UGGT2: variants seen among roughly 807,000 people sequenced by gnomAD.
UGGT2 encodes UDP-glucose glycoprotein glucosyltransferase 2, also known as UDP-glucose:glycoprotein glucosyltransferase 2.
A neutral mutation model predicts 192.1 loss-of-function variants in UGGT2; 180 were observed. That is an observed-to-expected ratio of 0.94 (90% CI 0.83 to 1.06). The LOEUF (loss-of-function observed/expected upper bound fraction) is 1.06, where lower values mean the gene tolerates loss of function less well. Among genes scored for constraint, UGGT2 ranks in the 50% least tolerant of loss-of-function variants. The pLI is 0.00. For missense variants in UGGT2, 1,849 were observed against 1,795.7 expected (o/e 1.03, Z -0.54); for synonymous variants, 580 against 591.0 (o/e 0.98, Z 0.27).
Position 96,053,346 on chromosome 13 carries a change from C to T in UGGT2, c.-34G>A. ...GAGAAAAGCGCGAGTCCCTCGGACC[C>T]GGTACCCACAGTCTGTGGCCGCCAC... On this transcript the variant is annotated 5_prime_UTR_variant, in exon 1 of 39. Transcript: ENST00000376747. 6.4e-7 allele frequency: 1 copy of T among 1,569,782 alleles called. No individual in the cohort carries two copies. The highest frequency in any genetic ancestry group is 1.4e-5 in the African/African-American group (1 of 72,138).
chr13:95,895,457 C>T lies in UGGT2; in HGVS notation c.2635-153G>A, dbSNP rs144807840. Among the ~76,000 whole-genome samples the T allele has an allele frequency of 3.5e-3, 527 of 151,850 alleles. 3 individuals carry two copies. Among genetic ancestry groups the T allele is most frequent in the African/African-American group, 0.012 (482 of 41,510 alleles). ...TATTAATCCTGCCATTTACTAAATA[C>T]GCTAGGAAACAAGATATACTTTCTC... is the stretch of plus-strand genomic sequence containing the variant. On this transcript the variant is annotated intron_variant, in intron 22 of 38. Coordinates refer to ENST00000376747, the MANE Select transcript of UGGT2 (RefSeq NM_020121.4).
chr13:95,925,694 C>T lies in UGGT2; in HGVS notation c.2281G>A (p.Ala761Thr). 6.4e-7 allele frequency: 1 copy of T among 1,557,364 alleles called. No homozygotes were observed. The highest frequency in any genetic ancestry group is 8.7e-7 in the Non-Finnish European group (1 of 1,148,312). ...KPSGRKLLFN[A>T]LKHMKTSVHS... ...TAGGTACTCACCATGTGCTTTAATG[C>T]ATTAAAAAGAAGTTTTCTCCCAGAA... The change falls in exon 20 of 39, where the codon GCA (alanine) becomes ACA (threonine). Residue 761 changes from alanine to threonine, a missense_variant. Coordinates refer to ENST00000376747, the MANE Select transcript of UGGT2 (RefSeq NM_020121.4).
intron 13 of UGGT2, among the ~76,000 whole-genome samples, chr13:95,948,768 G>A (rs1015358615): frequency 6.6e-6 from 1 of 152,280 alleles, no homozygotes; most frequent in South Asian, 2.1e-4. Flanking sequence ...AATGACATAA[G>A]GGCTAAAGAG....
At chr13:95,874,998 A>G (rs1174171175) in intron 29 of UGGT2, among the ~76,000 whole-genome samples, 1 of 152,148 alleles carries the variant, frequency 6.6e-6, no homozygotes, top group African/African-American at 2.4e-5. Context: ...GCCTAAGTGT[A>G]AATTTAACGT....
At chr13:95,861,620 T>A (rs1183429062) in intron 31 of UGGT2, among the ~76,000 whole-genome samples, 5 of 152,196 alleles carry the variant, frequency 3.3e-5, no homozygotes, top group African/African-American at 1.2e-4. Context: ...AATGTATAAA[T>A]TCATCTTTTT....
At position 95,903,037 on chromosome 13, in the gene UGGT2, C is replaced by T; in HGVS notation, c.2319G>A (p.Leu773=). The T allele has an allele frequency of 1.2e-6, 2 of 1,611,948 alleles. No homozygotes were observed. The highest frequency in any genetic ancestry group is 2.2e-5 in the East Asian group (1 of 44,770). ...TTGATGTAGGATTATAAATAATCCC[C>T]AACCGACTATGAACACTTGTTTTCT... The part of the protein sequence containing the change: ...KHMKTSVHSR[L]GIIYNPTSKI... Residue 773 remains leucine, a synonymous_variant, in exon 21 of 39, where the codon TTG becomes TTA. Transcript: ENST00000376747.
intron 15 of UGGT2, among the ~76,000 whole-genome samples, chr13:95,943,798 G>A (rs1263546044): frequency 6.6e-6 from 1 of 151,750 alleles, no homozygotes; most frequent in Non-Finnish European, 1.5e-5. Context: ...TTATTGCATT[G>A]ACTGGAACTT....
At chr13:95,966,383 T>C (rs2050579621) in intron 12 of UGGT2, among the ~76,000 whole-genome samples, 1 of 152,126 alleles carries the variant, frequency 6.6e-6, no homozygotes, top group South Asian at 2.1e-4. Flanking sequence ...TACCAGAGGC[T>C]GGGAAGGGCA....
chr13:96,015,406 G>T (rs1402856238), intron 4 of UGGT2, among the ~76,000 whole-genome samples: 1 of 152,060 alleles, frequency 6.6e-6, no homozygotes, highest in Non-Finnish European at 1.5e-5. Context: ...AAAGGTAAGG[G>T]CTCTCTACCA....
intron 5 of UGGT2, 43 bp from the exon 6 acceptor site, chr13:95,999,350 TCAAA>T (rs762772614): frequency 6.4e-7 from 1 of 1,565,994 alleles, no homozygotes; most frequent in Non-Finnish European, 8.8e-7. Context: ...AAAGAGTTAG[TCAAA>T]CATTTTGTTT....
intron 1 of UGGT2, among the ~76,000 whole-genome samples, chr13:96,044,092 T>G (rs1241158026): frequency 6.6e-6 from 1 of 152,116 alleles, no homozygotes; most frequent in Non-Finnish European, 1.5e-5. Context: ...ATGAAACTTT[T>G]TCCAAGGTAG....
chr13:95,815,950 G>C (rs558245200), intron 38 of UGGT2, among the ~76,000 whole-genome samples: 48 of 152,226 alleles, frequency 3.2e-4, no homozygotes, highest in African/African-American at 1.1e-3. Context: ...GTTAGTGTGA[G>C]ATCTGGTTGT....
intron 36 of UGGT2, among the ~76,000 whole-genome samples, chr13:95,843,561 T>A (rs1412429234): frequency 6.6e-6 from 1 of 152,202 alleles, no homozygotes; most frequent in East Asian, 1.9e-4. Flanking sequence ...TAACTCAAGA[T>A]CACAGAGATT....
intron 5 of UGGT2, among the ~76,000 whole-genome samples, chr13:96,004,079 C>A (rs1345832489): frequency 6.6e-6 from 1 of 151,130 alleles, no homozygotes. Flanking sequence ...AAGATAGCTT[C>A]AATCAGCACT....
chr13:95,919,416 G>T (rs1206797308), intron 20 of UGGT2, among the ~76,000 whole-genome samples: 1 of 152,156 alleles, frequency 6.6e-6, no homozygotes, highest in Non-Finnish European at 1.5e-5. Flanking sequence ...TAGGAAGAGA[G>T]AAGTCAAATT....
chr13:96,030,057 G>GT (rs2052786650), intron 2 of UGGT2, among the ~76,000 whole-genome samples: 1 of 152,180 alleles, frequency 6.6e-6, no homozygotes, highest in African/African-American at 2.4e-5. Flanking sequence ...ACAACAGACA[G>GT]TAATTTCCTA....
At position 95,958,791 on chromosome 13, in the gene UGGT2, A is replaced by T. The variant is rs148501820; in HGVS notation, c.1336-9337T>A. ...GCAAGAAAGGAGAGGGAAATAAGGC[A>T]GACTGCTAGGCTGGGATTGGCTGGA... is the stretch of plus-strand genomic sequence containing the variant. On this transcript the variant is annotated intron_variant, in intron 12 of 38. Transcript: ENST00000376747. 9.1e-4 allele frequency among the ~76,000 whole-genome samples: 139 copies of T among 152,330 alleles called. 1 individual carries two copies. Among genetic ancestry groups the T allele is most frequent in the African/African-American group, 3.2e-3 (132 of 41,576 alleles).
rs539088627 is a variant in UGGT2 at position 95,993,108 on chromosome 13, C to T, written c.830+2955G>A. The stretch of plus-strand genomic sequence containing the variant: ...GCCCTTTGCAGCAACATGAATGCAG[C>T]GGTAGGCCATTATCCTAAGTGAATT... On this transcript the variant is annotated intron_variant, in intron 7 of 38. Transcript: ENST00000376747. Among the ~76,000 whole-genome samples the T allele has an allele frequency of 1.2e-4, 19 of 152,172 alleles. 2 individuals are homozygous for T. The highest frequency in any genetic ancestry group is 3.6e-4 in the African/African-American group (15 of 41,536).
rs753118156 is a variant in UGGT2 at position 95,877,259 on chromosome 13, AAGC to A, written c.3473+17_3473+19del. On this transcript the variant is annotated intron_variant, in intron 29 of 38. Transcript: ENST00000376747. ...AACGTATTTATGTGTAAAAATTTAA[AAGC>A]AGCCTGCATAACTCACCCAACTATT... The A allele has an allele frequency of 6.5e-7, 1 of 1,542,248 alleles. No individual in the cohort carries two copies. The highest frequency in any genetic ancestry group is 8.7e-7 in the Non-Finnish European group (1 of 1,147,812).
Sources: gnomAD v4.1 joint callset for allele counts (sites outside exome capture counted in the v4.1 genomes callset) on GRCh38, gnomAD v4.1.1 for gene constraint, MANE v1.5 for transcripts, NCBI Gene and HGNC (gene_info 2026-07-23, HGNC 2026-07-21) for gene names.